The following SLC39A14 variants were observed in gnomAD, a reference collection of about 807,000 sequenced individuals.
SLC39A14 encodes solute carrier family 39 member 14, also known as metal cation symporter ZIP14.
Under a neutral mutation model 45.5 loss-of-function variants are expected in SLC39A14, and 19 were observed. The ratio of observed to expected loss-of-function variants is 0.42; its 90% CI spans 0.29 to 0.61. SLC39A14 has a LOEUF of 0.61. Ranked by LOEUF, SLC39A14 falls within the 20% of genes least tolerant of loss-of-function variation. SLC39A14 has a pLI of 0.22. For missense variants in SLC39A14, 447 were observed against 616.5 expected (o/e 0.73, Z 2.91); for synonymous variants, 264 against 251.3 (o/e 1.05, Z -0.48).
At chr8:22,394,464 C>T (rs914923013) in intron 1 of SLC39A14, among the ~76,000 whole-genome samples, 2 of 151,760 alleles carry the variant, frequency 1.3e-5, no homozygotes, top group African/African-American at 2.4e-5. Context: ...GTACTACAGG[C>T]GCCCACCACC....
At chr8:22,424,941 A>G (rs976211117), downstream of SLC39A14, among the ~76,000 whole-genome samples, 1 of 150,316 alleles carries the variant, frequency 6.7e-6, no homozygotes, top group African/African-American at 2.5e-5. Flanking sequence ...ACGCAGGAGA[A>G]TCACTTGAAC....
At chr8:22,386,186 C>G (rs904374871) in intron 1 of SLC39A14, among the ~76,000 whole-genome samples, 1 of 151,930 alleles carries the variant, frequency 6.6e-6, no homozygotes, top group Non-Finnish European at 1.5e-5. Flanking sequence ...CTCAGGTGAT[C>G]CGCTTGCCTC....
chr8:22,374,724 A>G (rs1372807233), intron 1 of SLC39A14, among the ~76,000 whole-genome samples: 1 of 147,802 alleles, frequency 6.8e-6, no homozygotes, highest in Admixed American at 6.8e-5. Context: ...CTTGGGGTGC[A>G]GCCTGCCAGC....
chr8:22,412,229 C>T (rs1272635598), intron 4 of SLC39A14, 23 bp downstream of exon 4: 11 of 1,549,864 alleles, frequency 7.1e-6, no homozygotes, highest in East Asian at 2.4e-5. Context: ...AGGGCCTTCA[C>T]CCCGGAGCAT....
chr8:22,410,136 G>A, intron 3 of SLC39A14: 1 of 1,613,570 alleles, frequency 6.2e-7, no homozygotes, highest in Non-Finnish European at 8.5e-7. Context: ...ACAGAAACTT[G>A]CGCGTCCTCT....
At chr8:22,399,327 C>G (rs1201277690) in intron 1 of SLC39A14, among the ~76,000 whole-genome samples, 3 of 152,204 alleles carry the variant, frequency 2.0e-5, no homozygotes, top group African/African-American at 7.2e-5. Context: ...ACCTTTTCCC[C>G]GCTAAGAATA....
intron 1 of SLC39A14, chr8:22,404,458 GTTTGT>G: frequency 3.6e-6 from 1 of 277,516 alleles, no homozygotes; most frequent in Non-Finnish European, 6.2e-6. Context: ...CCGCATTGCT[GTTTGT>G]TTTTTTTTTT....
chr8:22,417,694 A>T lies in SLC39A14; in HGVS notation c.1191A>T (p.Gln397His), dbSNP rs756236593. ...TCAACGCTGGGATGAGCATCCAACA[A>T]GCTCTCTTCTTCAACTTCCTTTCTG... ...ILLNAGMSIQ[Q>H]ALFFNFLSAC... is the part of the protein sequence containing the mutation. The change falls in exon 8 of 9, where the codon CAA becomes CAT. Residue 397 changes from glutamine to histidine, a missense_variant. Around this residue, in one of 2 missense-constraint regions of SLC39A14, gnomAD observed 105 missense variants for 188.4 expected, o/e 0.56. Transcript: ENST00000381237. 4 of 1,613,812 alleles carry T rather than the reference A, an allele frequency of 2.5e-6. No individual in the cohort carries two copies. The highest frequency in any genetic ancestry group is 2.5e-6 in the Non-Finnish European group (3 of 1,179,986).
At chr8:22,398,850 TC>T in intron 1 of SLC39A14, 1 of 582,594 alleles carries the variant, frequency 1.7e-6, no homozygotes, top group Non-Finnish European at 2.2e-6. Context: ...CTTCTGCGCT[TC>T]CATAGAGGGT....
At chr8:22,398,512 T>C (rs1233270818) in intron 1 of SLC39A14, among the ~76,000 whole-genome samples, 1 of 151,894 alleles carries the variant, frequency 6.6e-6, no homozygotes, top group Non-Finnish European at 1.5e-5. Context: ...GTGGGAGTGG[T>C]GAGTTCCCTG....
At chr8:22,412,325 C>G (rs926879299) in intron 4 of SLC39A14, 119 bp downstream of exon 4, 1 of 1,110,028 alleles carries the variant, frequency 9.0e-7, no homozygotes, top group Admixed American at 2.7e-5. Context: ...GAAAGCGAAG[C>G]TAGAACTTAG....
downstream of SLC39A14, among the ~76,000 whole-genome samples, chr8:22,426,974 C>G (rs1836397613): frequency 6.6e-6 from 1 of 151,904 alleles, no homozygotes; most frequent in Admixed American, 6.5e-5. Context: ...CATGAGCCAC[C>G]ACGATCAATG....
chr8:22,425,889 G>GTTT (rs549782856), downstream of SLC39A14, among the ~76,000 whole-genome samples: 7 of 76,312 alleles, frequency 9.2e-5, no homozygotes, highest in East Asian at 1.7e-3. Context: ...GATGGTTTTT[G>GTTT]TTTTTTTTTT....
At chr8:22,373,789 G>A (rs1266321249) in intron 1 of SLC39A14, among the ~76,000 whole-genome samples, 1 of 147,720 alleles carries the variant, frequency 6.8e-6, no homozygotes, top group Non-Finnish European at 1.5e-5. Context: ...TTCCAAGGCA[G>A]AGTGTCTCTC....
At chr8:22,406,230 C>A (rs1835202185) in intron 2 of SLC39A14, among the ~76,000 whole-genome samples, 1 of 152,128 alleles carries the variant, frequency 6.6e-6, no homozygotes, top group Non-Finnish European at 1.5e-5. Flanking sequence ...AGGCAGATCA[C>A]TTGAGATCAG....
intron 1 of SLC39A14, among the ~76,000 whole-genome samples, chr8:22,375,037 C>T (rs986851103): frequency 4.6e-5 from 7 of 152,086 alleles, no homozygotes; most frequent in Admixed American, 1.3e-4. Flanking sequence ...TGAGCCACCG[C>T]GCCTGGCCAG....
intron 1 of SLC39A14, among the ~76,000 whole-genome samples, chr8:22,383,557 G>A (rs1833626874): frequency 6.6e-6 from 1 of 152,160 alleles, no homozygotes; most frequent in African/African-American, 2.4e-5. Context: ...AGAGGGCCCC[G>A]GCCAGGCCCC....
chr8:22,405,602 A>C (rs12544427), intron 2 of SLC39A14, among the ~76,000 whole-genome samples: 180 of 152,124 alleles, frequency 1.2e-3, no homozygotes, highest in African/African-American at 4.2e-3. Context: ...ACTCAGAAAT[A>C]CTGAGAAAAC....
At position 22,420,938 on chromosome 8, in the gene SLC39A14, T is replaced by G. The variant is rs1238430544; in HGVS notation, c.*1240T>G. 4.1e-6 allele frequency: 4 copies of G among 985,720 alleles called. No individual in the cohort carries two copies. The highest frequency in any genetic ancestry group is 4.8e-6 in the Non-Finnish European group (4 of 829,942). The allele number at this position is 985,720 out of a possible 1,614,324, so 61.1% of individuals were successfully genotyped here. ...TCCTGCATTGAATTGAATATGAATT[T>G]CTCTAACTCTCTCCAGAAAATGGAT... is the stretch of plus-strand genomic sequence containing the variant. On this transcript the variant is annotated 3_prime_UTR_variant, in exon 9 of 9. Coordinates refer to ENST00000381237, the MANE Select transcript of SLC39A14 (RefSeq NM_001128431.4).
Sources: allele counts gnomAD v4.1 joint callset (sites outside exome capture counted in the v4.1 genomes callset), GRCh38; gene constraint gnomAD v4.1.1; regional missense constraint gnomAD v4.1.1; transcripts MANE v1.5; gene names NCBI Gene and HGNC (gene_info 2026-07-23, HGNC 2026-07-21).